USP35: variants seen among roughly 807,000 people sequenced by gnomAD.
USP35 encodes ubiquitin specific peptidase 35.
In USP35, 69 loss-of-function variants were observed where a neutral mutation model predicts 83.8. The ratio of observed to expected loss-of-function variants is 0.82; its 90% CI spans 0.68 to 1.01. The LOEUF (loss-of-function observed/expected upper bound fraction) is 1.01. Ranked by LOEUF, USP35 falls within the 50% of genes least tolerant of loss-of-function variation. The pLI is 0.00. For synonymous variants in USP35, 714 were observed against 589.5 expected (o/e 1.21, Z -3.06); for missense variants, 1,503 against 1,362.5 (o/e 1.10, Z -1.62).
At chr11:78,204,440 A>G (rs1279992831) in intron 6 of USP35, among the ~76,000 whole-genome samples, 1 of 152,228 alleles carries the variant, frequency 6.6e-6, no homozygotes, top group East Asian at 1.9e-4. Flanking sequence ...ATACTTGCCA[A>G]GGGAGCCATC....
intron 1 of USP35, among the ~76,000 whole-genome samples, chr11:78,193,815 CG>C (rs1020494578): frequency 2.0e-5 from 3 of 152,304 alleles, no homozygotes; most frequent in Non-Finnish European, 4.4e-5. Flanking sequence ...CAGGAAGCTT[CG>C]GGTGGACCCT....
At chr11:78,206,263 G>T (rs1863527874) in intron 7 of USP35, among the ~76,000 whole-genome samples, 1 of 152,216 alleles carries the variant, frequency 6.6e-6, no homozygotes, top group Non-Finnish European at 1.5e-5. Context: ...GGCAGCCCTG[G>T]GAAGTGGGGT....
At position 78,196,783 on chromosome 11, in the gene USP35, G is replaced by T; in HGVS notation, c.538G>T (p.Glu180Ter). Residue 180 changes from glutamate to a stop codon, truncating the protein, a stop_gained, in exon 2 of 11, where the codon GAA (glutamate) becomes TAA (stop). Transcript: ENST00000529308. LOFTEE classifies it high-confidence loss of function. This position sits in a 1 kb window ranked among gnomAD's most constrained non-coding sequence, Gnocchi z 4.8. ...CCTCGGCCGCTTCCGCTGCCCAGCC[G>T]AAGGCGAGGAGGGCGCCGTGGAGTT... ...RCLGRFRCPA[E>*]GEEGAVEFLE... 2 of 1,533,768 alleles carry T rather than the reference G, an allele frequency of 1.3e-6. No individual in the cohort carries two copies. Among genetic ancestry groups the T allele is most frequent in the Non-Finnish European group, 1.7e-6 (2 of 1,145,744 alleles).
At chr11:78,206,931 A>G (rs1590911300) in intron 7 of USP35, among the ~76,000 whole-genome samples, 1 of 152,194 alleles carries the variant, frequency 6.6e-6, no homozygotes, top group African/African-American at 2.4e-5. Flanking sequence ...CAGTCTACCC[A>G]TCCCTAAAGG....
At chr11:78,236,398 G>T in the USP35 span, among the ~76,000 whole-genome samples, 1 of 152,128 alleles carries the variant, frequency 6.6e-6, no homozygotes, top group African/African-American at 2.4e-5. Context: ...GTATCCACCT[G>T]CCTCAGCATC....
In USP35 at chr11:78,210,381, C is replaced by T. The variant is rs751806979; in HGVS notation, c.2526C>T (p.Gly842=). 2.3e-5 allele frequency: 37 copies of T among 1,613,480 alleles called. No homozygotes were observed. The South Asian group carries it at 2.6e-4, about 11-fold the overall frequency. The change falls in exon 10 of 11, where the codon GGC becomes GGT. Residue 842 remains glycine, a synonymous_variant. Transcript: ENST00000529308. The part of the protein sequence containing the change: ...LLRLPLAGGR[G]QAYDLCSVVV... ...GCCTGCCACTGGCTGGTGGCCGTGG[C>T]CAGGCCTATGACCTCTGCAGTGTGG...
intron 3 of USP35, 39 bp from the exon 4 acceptor site, chr11:78,199,556 T>C (rs766876477): frequency 2.0e-5 from 32 of 1,613,198 alleles, no homozygotes; most frequent in Non-Finnish European, 2.5e-5. Context: ...GCATTTTGGG[T>C]GTCCCTTGTC....
chr11:78,210,811 T>C lies in USP35; in HGVS notation c.2889+67T>C, dbSNP rs1863742406. 6 of 1,450,744 alleles carry C rather than the reference T, an allele frequency of 4.1e-6. No homozygotes were observed. In the South Asian group the frequency reaches 8.4e-5, roughly 20 times the overall value. 89.9% of individuals were successfully genotyped at this position (1,450,744 alleles called of 1,614,324 possible). The stretch of plus-strand genomic sequence containing the variant: ...AGGGAGTCCAGTCCCACTACTGGCT[T>C]AGATAAGTCATTTCCCCTCTAAGTC... On this transcript the variant is annotated intron_variant, in intron 10 of 10. Coordinates refer to ENST00000529308, the MANE Select transcript of USP35 (RefSeq NM_020798.4).
the USP35 span, among the ~76,000 whole-genome samples, chr11:78,235,522 A>C: frequency 6.6e-6 from 1 of 152,052 alleles, no homozygotes; most frequent in Non-Finnish European, 1.5e-5. Flanking sequence ...TTCCCTTATA[A>C]AATTGAATGC....
chr11:78,203,343 A>AT (rs1338726148), intron 6 of USP35, among the ~76,000 whole-genome samples: 1 of 152,006 alleles, frequency 6.6e-6, no homozygotes, highest in Non-Finnish European at 1.5e-5. Context: ...TTTGGTGGTA[A>AT]TGTGTGAGGG....
chr11:78,217,936 G>A (rs960244157), downstream of USP35: 4 of 152,622 alleles, frequency 2.6e-5, no homozygotes, highest in African/African-American at 9.7e-5. Flanking sequence ...CTTTCTCCTT[G>A]TCCTGCCTGA....
the USP35 span, among the ~76,000 whole-genome samples, chr11:78,228,906 C>CT: frequency 4.6e-5 from 7 of 152,178 alleles, no homozygotes; most frequent in East Asian, 1.9e-4. Flanking sequence ...TTTCATTTTG[C>CT]TTTTTTTGGA....
At chr11:78,226,845 C>T in the USP35 span, 29 of 1,614,038 alleles carry the variant, frequency 1.8e-5, no homozygotes, top group East Asian at 3.8e-4. Context: ...CTTGGTGTGG[C>T]CATGGGAGGC....
chr11:78,195,783 T>A (rs1863123774), intron 1 of USP35, among the ~76,000 whole-genome samples: 1 of 152,070 alleles, frequency 6.6e-6, no homozygotes, highest in Admixed American at 6.6e-5. Context: ...CAGGCTGGAG[T>A]GCAGTGGGAT....
chr11:78,221,251 C>A, the USP35 span, among the ~76,000 whole-genome samples: 1 of 152,228 alleles, frequency 6.6e-6, no homozygotes. Context: ...TAATGGAAAT[C>A]TCAGGGAAGA....
chr11:78,210,070 G>A lies in USP35; in HGVS notation c.2215G>A (p.Gly739Arg). ...AAAGGAAGAAGACAGCCTGGGAGCGGGGACCCACCCGGATGCTGCCATCCC... is the reference window on the plus strand; with the variant it reads ...AAAGGAAGAAGACAGCCTGGGAGCGAGGACCCACCCGGATGCTGCCATCCC... ...QEKEEDSLGA[G>R]THPDAAIPSG... Residue 739 changes from glycine (G) to arginine (R), a missense_variant, in exon 10 of 11, where the codon GGG becomes AGG. Physicochemically the swap from Gly to Arg is moderately radical, Grantham distance 125 (BLOSUM62 -2). Coordinates refer to ENST00000529308, the MANE Select transcript of USP35 (RefSeq NM_020798.4). 1 of 1,613,948 alleles carries A rather than the reference G, an allele frequency of 6.2e-7. No homozygotes were observed. The highest frequency in any genetic ancestry group is 8.5e-7 in the Non-Finnish European group (1 of 1,179,926).
rs1192378627 is a variant in USP35, at chr11:78,213,890, T to TACCAAGAGGAAGGATG, written c.*78_*93dup. On this transcript the variant is annotated 3_prime_UTR_variant, in exon 11 of 11. Transcript: ENST00000529308. ...TGAGGGAAGCTGTGGAGGCAGGCCC[T>TACCAAGAGGAAGGATG]ACCAAGAGGAAGGATGGTACAGCTC... The TACCAAGAGGAAGGATG allele has an allele frequency of 1.3e-6, 2 of 1,493,050 alleles. No individual in the cohort carries two copies. Among genetic ancestry groups the TACCAAGAGGAAGGATG allele is most frequent in the African/African-American group, 2.9e-5 (2 of 67,932 alleles). 92.5% of individuals were successfully genotyped at this position (1,493,050 alleles called of 1,614,324 possible). A position where few individuals can be genotyped will look rare whatever the true frequency, so the allele number is the denominator to read the frequency against.
chr11:78,236,001 T>C, the USP35 span, among the ~76,000 whole-genome samples: 1 of 152,234 alleles, frequency 6.6e-6, no homozygotes, highest in Admixed American at 6.5e-5. Flanking sequence ...GGGATTTTTA[T>C]TTGGATTGTG....
chr11:78,219,233 T>C (rs764153129), downstream of USP35: 1 of 1,600,622 alleles, frequency 6.2e-7, no homozygotes, highest in East Asian at 2.2e-5. Context: ...GGGCCAGCTC[T>C]GGAGATGCTG....
Sources: gnomAD v4.1 joint callset for allele counts (sites outside exome capture counted in the v4.1 genomes callset) on GRCh38, gnomAD v4.1.1 for gene constraint, Gnocchi (gnomAD v3.1) non-coding constraint, MANE v1.5 for transcripts, NCBI Gene and HGNC (gene_info 2026-07-23, HGNC 2026-07-21) for gene names.